Variants in PIK3R3 observed in about 807,000 individuals in gnomAD.
The protein encoded by PIK3R3 is phosphatidylinositol 3-kinase regulatory subunit gamma.
In PIK3R3, 64 loss-of-function variants were observed where a neutral mutation model predicts 62.9. The observed-to-expected ratio is 1.02, with a 90% CI of 0.83 to 1.25. PIK3R3 has a LOEUF of 1.25. PIK3R3 is among the 50% of genes most tolerant of loss of function. The pLI, the probability that PIK3R3 is intolerant of heterozygous loss-of-function variation, is 0.00. For synonymous variants in PIK3R3, 165 were observed against 189.0 expected, an observed-to-expected ratio of 0.87 and a Z score of 1.04; for missense variants, 614 against 561.6, an observed-to-expected ratio of 1.09 and a Z score of -0.94.
rs1208285153 is a variant in PIK3R3 at position 46,074,306 on chromosome 1, AAAAAAAAAAAAC to A, written c.314+3197_314+3208del. On this transcript the variant is annotated intron_variant, in intron 3 of 9. Transcript: ENST00000262741. ...TCCGTCAAAAAAAAAAAAAAAAAAAAAAAAAAAAAAACCAATAAATTCAGCCTGACTCAACTT... is the reference window on the plus strand; with the variant it reads ...TCCGTCAAAAAAAAAAAAAAAAAAAACAATAAATTCAGCCTGACTCAACTT... 8.0e-4 allele frequency among the ~76,000 whole-genome samples: 117 copies of A among 146,222 alleles called. 3 individuals are homozygous for A. Among genetic ancestry groups the A allele is most frequent in the Non-Finnish European group, 1.4e-3 (94 of 66,736 alleles).
At chr1:46,158,456 G>A in the PIK3R3 span, among the ~76,000 whole-genome samples, 27 of 152,260 alleles carry the variant, frequency 1.8e-4, no homozygotes, top group Non-Finnish European at 1.6e-4. Flanking sequence ...CAGTCCAAGT[G>A]CCACCTCTTC....
At chr1:46,109,133 A>G (rs946728931) in intron 1 of PIK3R3, among the ~76,000 whole-genome samples, 2 of 150,328 alleles carry the variant, frequency 1.3e-5, no homozygotes, top group African/African-American at 2.5e-5. Context: ...CACTCCATCC[A>G]GCCTGGGTGA....
At position 46,102,010 on chromosome 1, in the gene PIK3R3, G is replaced by A. The variant is rs1482808231; in HGVS notation, c.107-21260C>T. ...TTTTTTTTTTTTTTTTTTTTGAGACGGAGTCTCGCTGTCGCCCAGGCTGGA... is the reference window on the plus strand; with the variant it reads ...TTTTTTTTTTTTTTTTTTTTGAGACAGAGTCTCGCTGTCGCCCAGGCTGGA... On this transcript the variant is annotated intron_variant, in intron 1 of 9. Transcript: ENST00000262741. 6.7e-5 allele frequency among the ~76,000 whole-genome samples: 7 copies of A among 104,260 alleles called. No homozygotes were observed. The East Asian group carries it at 1.5e-3, about 23-fold the overall frequency. The allele number at this position is 104,260 out of a possible 152,430, so 68.4% of individuals were successfully genotyped here.
chr1:46,080,939 A>G (rs1316148610), intron 1 of PIK3R3, among the ~76,000 whole-genome samples, 189 bp from the exon 2 acceptor site: 2 of 152,208 alleles, frequency 1.3e-5, no homozygotes, highest in Non-Finnish European at 2.9e-5. Context: ...AAACGTCAAG[A>G]TATTTGTTTT....
chr1:46,060,480 C>T (rs573444892), intron 6 of PIK3R3, among the ~76,000 whole-genome samples: 2 of 152,218 alleles, frequency 1.3e-5, no homozygotes, highest in South Asian at 2.1e-4. Context: ...ACAGAGACTC[C>T]GTCTCAAATA....
the PIK3R3 span, among the ~76,000 whole-genome samples, chr1:46,156,811 G>T: frequency 1.8e-4 from 28 of 152,196 alleles, no homozygotes; most frequent in African/African-American, 6.3e-4. Flanking sequence ...AGCATGATCG[G>T]CCATGAGTTC....
rs761006706 is a variant in PIK3R3, at chr1:46,131,996, A to T, written c.-44T>A. The T allele has an allele frequency of 2.5e-6, 4 of 1,592,032 alleles. No individual in the cohort carries two copies. The highest frequency in any genetic ancestry group is 2.3e-5 in the South Asian group (2 of 87,002). On this transcript the variant is annotated 5_prime_UTR_variant, in exon 1 of 10. Transcript: ENST00000262741. The stretch of plus-strand genomic sequence containing the variant: ...TCGCCAGGAGATATATAGAAGGCAT[A>T]TATTTTTTATCTGGTATTTAAAAAT...
intron 1 of PIK3R3, among the ~76,000 whole-genome samples, chr1:46,102,495 A>C (rs1039184836): frequency 6.6e-6 from 1 of 152,182 alleles, no homozygotes. Flanking sequence ...TTAAATACTT[A>C]AATGAGAATG....
chr1:46,129,126 G>T (rs968965711), intron 1 of PIK3R3, among the ~76,000 whole-genome samples: 2 of 151,596 alleles, frequency 1.3e-5, no homozygotes, highest in Admixed American at 6.6e-5. Context: ...GAGGAAGGAG[G>T]GATGACTTTT....
At chr1:46,155,744 G>A in the PIK3R3 span, among the ~76,000 whole-genome samples, 1 of 152,294 alleles carries the variant, frequency 6.6e-6, no homozygotes, top group South Asian at 2.1e-4. Context: ...TTACAGGTGT[G>A]AGCCACCATG....
At chr1:46,131,508 T>C (rs1655581498) in intron 1 of PIK3R3, among the ~76,000 whole-genome samples, 1 of 151,916 alleles carries the variant, frequency 6.6e-6, no homozygotes, top group Admixed American at 6.6e-5. Flanking sequence ...GAGTCTTTAA[T>C]TGAAAAAGAA....
the PIK3R3 span, among the ~76,000 whole-genome samples, chr1:46,162,669 T>C: frequency 6.6e-6 from 1 of 152,156 alleles, no homozygotes; most frequent in African/African-American, 2.4e-5. Context: ...TCGCCCAGGC[T>C]GGAGTACAGT....
chr1:46,132,692 T>C (rs1341216436), upstream of PIK3R3: 5 of 1,289,486 alleles, frequency 3.9e-6, no homozygotes, highest in African/African-American at 6.1e-5. Context: ...CGCCCCATGC[T>C]GCCCACCCGC....
the PIK3R3 span, among the ~76,000 whole-genome samples, chr1:46,161,738 C>T: frequency 1.3e-5 from 2 of 151,458 alleles, no homozygotes; most frequent in African/African-American, 4.9e-5. Context: ...AGAACAAGAC[C>T]CAATTTCAGA....
the PIK3R3 span, among the ~76,000 whole-genome samples, chr1:46,170,524 G>A: frequency 1.3e-4 from 20 of 152,092 alleles, no homozygotes; most frequent in East Asian, 3.3e-3. Flanking sequence ...AGGTTCAAGC[G>A]ATTCTCTTGC....
intron 3 of PIK3R3, among the ~76,000 whole-genome samples, chr1:46,068,160 T>C (rs1335062913): frequency 6.6e-6 from 1 of 152,244 alleles, no homozygotes; most frequent in Non-Finnish European, 1.5e-5. Flanking sequence ...AGTTTTTAGA[T>C]GGATGATAAA....
chr1:46,146,889 C>T, the PIK3R3 span, among the ~76,000 whole-genome samples: 1,871 of 152,236 alleles, frequency 0.012, 31 homozygotes, highest in African/African-American at 0.04. Flanking sequence ...GCTAGACCTG[C>T]CTCAGAGCCT....
upstream of PIK3R3, among the ~76,000 whole-genome samples, chr1:46,135,217 C>G (rs1050862590): frequency 1.3e-5 from 2 of 152,184 alleles, no homozygotes; most frequent in Non-Finnish European, 2.9e-5. Context: ...GTGTCCTGGA[C>G]CACTTCCAAG....
upstream of PIK3R3, among the ~76,000 whole-genome samples, chr1:46,136,619 C>T (rs1655942554): frequency 6.6e-6 from 1 of 152,084 alleles, no homozygotes; most frequent in Non-Finnish European, 1.5e-5. Flanking sequence ...GTGGCATTCC[C>T]CTAGATGCTG....
Sources: allele counts gnomAD v4.1 joint callset (sites outside exome capture counted in the v4.1 genomes callset), GRCh38; gene constraint gnomAD v4.1.1; transcripts MANE v1.5; gene names NCBI Gene and HGNC (gene_info 2026-07-23, HGNC 2026-07-21).